ZFP30: variants seen among roughly 807,000 people sequenced by gnomAD.
ZFP30 encodes the protein ZFP30 zinc finger protein, also known as zinc finger protein 30 homolog.
A neutral mutation model predicts 12.3 loss-of-function variants in ZFP30; 16 were observed. The ratio of observed to expected loss-of-function variants is 1.30; its 90% CI spans 0.88 to 1.98. The LOEUF is 1.98. Among genes scored for constraint, ZFP30 ranks in the 30% most tolerant of loss-of-function variants. The probability of loss-of-function intolerance (pLI) is 0.00; values close to 1 mark genes in which losing one functional copy is unlikely to be tolerated. For missense variants in ZFP30, 560 were observed against 611.2 expected (o/e 0.92, Z 0.88); for synonymous variants, 172 against 201.0 (o/e 0.86, Z 1.22).
intron 3 of ZFP30, 74 bp downstream of exon 3, chr19:37,647,740 A>G: frequency 1.3e-6 from 2 of 1,584,622 alleles, no homozygotes; most frequent in East Asian, 4.5e-5. Context: ...AAAGTTGCAG[A>G]ATAACAAATG....
chr19:37,633,942 T>C lies in ZFP30; in HGVS notation c.*1039A>G, dbSNP rs1411624693. 6.6e-6 allele frequency: 1 copy of C among 152,190 alleles called. No homozygotes were observed. Among genetic ancestry groups the C allele is most frequent in the Non-Finnish European group, 1.5e-5 (1 of 68,042 alleles). 9.4% of individuals were successfully genotyped at this position (152,190 alleles called of 1,614,324 possible). On this transcript the variant is annotated 3_prime_UTR_variant, in exon 6 of 6. Transcript: ENST00000684514. ...CTTTTACATAACCACAATGCTATTA[T>C]CACACATAACAAAGTTTCTTAATAT...
rs1170455003 is a variant in ZFP30, at chr19:37,634,843, T to C, written c.*138A>G. The C allele has an allele frequency of 2.1e-6, 2 of 938,998 alleles. No homozygotes were observed. Among genetic ancestry groups the C allele is most frequent in the Admixed American group, 7.0e-5 (2 of 28,622 alleles). The allele number at this position is 938,998 out of a possible 1,614,324, so 58.2% of individuals were successfully genotyped here. ...AGGCTTCTATATGTTCATTAACATA[T>C]TCTTTCCTTTAAATAAAACTTCCTA... is the stretch of plus-strand genomic sequence containing the variant. On this transcript the variant is annotated 3_prime_UTR_variant, in exon 6 of 6. Coordinates refer to ENST00000684514, the MANE Select transcript of ZFP30 (RefSeq NM_001320669.3).
intron 5 of ZFP30, among the ~76,000 whole-genome samples, chr19:37,638,827 G>C (rs960327377): frequency 3.3e-5 from 5 of 151,970 alleles, no homozygotes; most frequent in Admixed American, 2.0e-4. Flanking sequence ...TTGGTGGGGA[G>C]GAATGACCGA....
chr19:37,643,328 G>C lies in ZFP30; in HGVS notation c.172C>G (p.Leu58Val). The change falls in exon 5 of 6, where the codon CTA becomes GTA. Residue 58 changes from leucine to valine, a missense_variant. Physicochemically the swap from Leu to Val is conservative, Grantham distance 32. Coordinates refer to ENST00000684514, the MANE Select transcript of ZFP30 (RefSeq NM_001320669.3). ...CSISKPDVIT[L>V]LEQGKEPWMV... ...CAGGGCTCTTTCCCTTGTTCCAATA[G>C]GGTGATCACATCTGGCTTAGAAATA... 1 of 1,608,284 alleles carries C rather than the reference G, an allele frequency of 6.2e-7. No homozygotes were observed. Among genetic ancestry groups the C allele is most frequent in the Non-Finnish European group, 8.5e-7 (1 of 1,177,542 alleles).
chr19:37,638,053 G>C (rs1460964818), intron 5 of ZFP30, among the ~76,000 whole-genome samples: 3 of 152,026 alleles, frequency 2.0e-5, no homozygotes, highest in Non-Finnish European at 2.9e-5. Context: ...TACAGAGATG[G>C]GAAACAAGTA....
chr19:37,646,117 G>A (rs952544561), intron 3 of ZFP30, among the ~76,000 whole-genome samples: 6 of 152,042 alleles, frequency 3.9e-5, no homozygotes, highest in Admixed American at 3.9e-4. Context: ...GCCCCACCTG[G>A]GATGTGATAT....
At chr19:37,643,971 A>G (rs1015634304) in intron 4 of ZFP30, among the ~76,000 whole-genome samples, 1 of 152,190 alleles carries the variant, frequency 6.6e-6, no homozygotes, top group Non-Finnish European at 1.5e-5. Flanking sequence ...AAGCTCTTTT[A>G]ATAGCTATGT....
chr19:37,635,496 T>C lies in ZFP30; in HGVS notation c.1045A>G (p.Thr349Ala), dbSNP rs1342351651. 19 of 1,613,952 alleles carry C rather than the reference T, an allele frequency of 1.2e-5. No individual in the cohort carries two copies. Among genetic ancestry groups the C allele is most frequent in the Non-Finnish European group, 1.4e-5 (17 of 1,180,030 alleles). ...QQLTLHQRIH[T>A]GEKPYDCKEC... is the part of the protein sequence containing the mutation. ...TTACAATCATAAGGCTTCTCACCAG[T>C]GTGAATTCTCTGATGGAGAGTAAGT... The change falls in exon 6 of 6, where the codon ACT (threonine) becomes GCT (alanine). Residue 349 changes from threonine to alanine, a missense_variant. Thr to Ala is a moderately conservative substitution (Grantham distance 58). Transcript: ENST00000684514.
Position 37,635,736 on chromosome 19 carries a change from G to T in ZFP30, c.805C>A (p.Pro269Thr). The T allele has an allele frequency of 1.2e-6, 2 of 1,614,168 alleles. No individual in the cohort carries two copies. Among genetic ancestry groups the T allele is most frequent in the Non-Finnish European group, 1.7e-6 (2 of 1,180,036 alleles). Residue 269 changes from proline (P) to threonine (T), a missense_variant, in exon 6 of 6, where the codon CCC becomes ACC. By Grantham distance (38) the Pro-to-Thr change is conservative. Transcript: ENST00000684514. The stretch of plus-strand genomic sequence containing the variant: ...TTCCCACATTCTTTACATTCATAGG[G>T]TTTCTCACCCGTGTGAATCCTTTGA... ...LHQRIHTGEK[P>T]YECKECGKAF...
At chr19:37,652,730 ACAAGCTTGTATT>A in intron 2 of ZFP30, among the ~76,000 whole-genome samples, 1 of 152,336 alleles carries the variant, frequency 6.6e-6, no homozygotes, top group Non-Finnish European at 1.5e-5. Context: ...CTAATATTTC[ACAAGCTTGTATT>A]AATTCTGTCA....
chr19:37,645,159 C>A (rs1258565190), intron 3 of ZFP30, among the ~76,000 whole-genome samples: 1 of 151,402 alleles, frequency 6.6e-6, no homozygotes, highest in Non-Finnish European at 1.5e-5. Flanking sequence ...GAGCCGAGAT[C>A]GCGCTACTGC....
In ZFP30 at chr19:37,634,888, A is replaced by G. The variant is rs1826402164; in HGVS notation, c.*93T>C. 2 of 1,349,950 alleles carry G rather than the reference A, an allele frequency of 1.5e-6. No individual in the cohort carries two copies. The highest frequency in any genetic ancestry group is 2.9e-5 in the African/African-American group (2 of 68,290). 83.6% of individuals were successfully genotyped at this position (1,349,950 alleles called of 1,614,324 possible). On this transcript the variant is annotated 3_prime_UTR_variant, in exon 6 of 6. Coordinates refer to ENST00000684514, the MANE Select transcript of ZFP30 (RefSeq NM_001320669.3). ...TTCCTATGCTTAGTTGTGAGCATGA[A>G]GCAAAAGGGATTCCCACGTTCAAAA...
At chr19:37,643,208 T>A in intron 5 of ZFP30, 57 bp downstream of exon 5, 1 of 1,427,230 alleles carries the variant, frequency 7.0e-7, no homozygotes, top group East Asian at 2.4e-5. Flanking sequence ...TGTCTCCTCC[T>A]CAACCAGCAG....
At chr19:37,651,806 G>A (rs1017290913) in intron 2 of ZFP30, among the ~76,000 whole-genome samples, 4 of 152,002 alleles carry the variant, frequency 2.6e-5, no homozygotes, top group South Asian at 2.1e-4. Context: ...GAATATTCCT[G>A]TCCAATAAGT....
At chr19:37,643,007 C>T (rs931307668) in intron 5 of ZFP30, among the ~76,000 whole-genome samples, 3 of 145,908 alleles carry the variant, frequency 2.1e-5, no homozygotes, top group African/African-American at 7.6e-5. Flanking sequence ...GAGCAGAGAT[C>T]GCGCCACTGC....
rs1568377816 is a variant in ZFP30 at position 37,635,136 on chromosome 19, TAC to T, written c.1403_1404del (p.Cys468Ter). ...AGTCTAAAGGCCTTTCCACATTCCT[TAC>T]AGTCATAGGGCTTTTCACCAGTATG... is the stretch of plus-strand genomic sequence containing the variant. ...SIHTGEKPYD[C>X]KECGKAFRLH... On this transcript the variant is annotated frameshift_variant, in exon 6 of 6. Coordinates refer to ENST00000684514, the MANE Select transcript of ZFP30 (RefSeq NM_001320669.3). LOFTEE classifies it high-confidence loss of function. The T allele has an allele frequency of 2.5e-6, 4 of 1,613,212 alleles. No homozygotes were observed. The highest frequency in any genetic ancestry group is 2.5e-6 in the Non-Finnish European group (3 of 1,179,630).
At position 37,654,286 on chromosome 19, in the gene ZFP30, C is replaced by G. The variant is rs533773522; in HGVS notation, c.-78+426G>C. On this transcript the variant is annotated intron_variant, in intron 2 of 5. Coordinates refer to ENST00000684514, the MANE Select transcript of ZFP30 (RefSeq NM_001320669.3). ...ATATACCCAAAATAAACTCATGCTG[C>G]CAGACCTCAAACCACATCTGGCTGG... is the stretch of plus-strand genomic sequence containing the variant. Among the ~76,000 whole-genome samples, 52 of 152,272 alleles carry G rather than the reference C, an allele frequency of 3.4e-4. No homozygotes were observed. The East Asian group carries it at 3.7e-3, about 11-fold the overall frequency.
chr19:37,642,771 T>G (rs2044459945), intron 5 of ZFP30, among the ~76,000 whole-genome samples: 1 of 151,912 alleles, frequency 6.6e-6, no homozygotes, highest in Non-Finnish European at 1.5e-5. Flanking sequence ...AAGAAACGAC[T>G]GAGGCCAGGC....
At chr19:37,636,859 C>T (rs1301750326) in intron 5 of ZFP30, among the ~76,000 whole-genome samples, 1 of 151,964 alleles carries the variant, frequency 6.6e-6, no homozygotes, top group Admixed American at 6.6e-5. Flanking sequence ...TACAGGAGTG[C>T]GCCACCATAC....
Sources: gnomAD v4.1 joint callset for allele counts (sites outside exome capture counted in the v4.1 genomes callset) on GRCh38, gnomAD v4.1.1 for gene constraint, MANE v1.5 for transcripts, NCBI Gene and HGNC (gene_info 2026-07-23, HGNC 2026-07-21) for gene names.